MMAA: variants seen among roughly 807,000 people sequenced by gnomAD.
The protein encoded by MMAA is metabolism of cobalamin associated A.
Under a neutral mutation model 45.0 loss-of-function variants are expected in MMAA, and 41 were observed. The observed-to-expected ratio is 0.91, with a 90% CI of 0.71 to 1.18. The LOEUF (loss-of-function observed/expected upper bound fraction) is 1.18, where lower values mean the gene tolerates loss of function less well. Among genes scored for constraint, MMAA ranks in the 50% most tolerant of loss-of-function variants. MMAA has a pLI of 0.00. For missense variants in MMAA, 460 were observed against 495.7 expected (o/e 0.93, Z 0.68); for synonymous variants, 154 against 178.2 (o/e 0.86, Z 1.08).
rs1261922672 is a variant in MMAA at position 145,625,241 on chromosome 4, T to G, written c.-66+5834T>G. ...ACTTGGTTTTTCAGGAACTTCCTGT[T>G]GCTGACTCTTGAGGAGCAAGTTTTC... On this transcript the variant is annotated intron_variant, in intron 1 of 6. Coordinates refer to ENST00000649156, the MANE Select transcript of MMAA (RefSeq NM_172250.3). The G allele has an allele frequency of 6.7e-6, 7 of 1,046,776 alleles. No homozygotes were observed. The East Asian group carries it at 1.5e-4, about 23-fold the overall frequency. The allele number at this position is 1,046,776 out of a possible 1,614,324, so 64.8% of individuals were successfully genotyped here. A position where few individuals can be genotyped will look rare whatever the true frequency, so the allele number is the denominator to read the frequency against.
At chr4:145,652,141 G>A (rs1728110397) in intron 5 of MMAA, among the ~76,000 whole-genome samples, 1 of 152,078 alleles carries the variant, frequency 6.6e-6, no homozygotes, top group African/African-American at 2.4e-5. Context: ...ACACACATAA[G>A]AAGCCTGGGA....
Position 145,655,396 on chromosome 4 carries a change from G to A in MMAA, c.1219G>A (p.Ala407Thr). 1 of 1,613,290 alleles carries A rather than the reference G, an allele frequency of 6.2e-7. No homozygotes were observed. Among genetic ancestry groups the A allele is most frequent in the Non-Finnish European group, 8.5e-7 (1 of 1,179,806 alleles). Residue 407 changes from alanine (A) to threonine (T), a missense_variant, in exon 7 of 7, where the codon GCA (alanine) becomes ACA (threonine). Physicochemically the swap from Ala to Thr is moderately conservative, Grantham distance 58 (BLOSUM62 0). Coordinates refer to ENST00000649156, the MANE Select transcript of MMAA (RefSeq NM_172250.3). ...TGGGGCCCTGTCCCCAGGACTAGCA[G>A]CAGACTTCTTGTTAAAAGCTTTTAA... Reference protein sequence around the residue: ...LIGALSPGLAADFLLKAFKSR... With the variant: ...LIGALSPGLATDFLLKAFKSR...
chr4:145,653,723 A>T (rs1230524291), intron 5 of MMAA, among the ~76,000 whole-genome samples: 2 of 152,204 alleles, frequency 1.3e-5, no homozygotes, highest in Non-Finnish European at 2.9e-5. Flanking sequence ...CTGCCACTCA[A>T]TCATGTTGTG....
At position 145,641,331 on chromosome 4, in the gene MMAA, A is replaced by C. The variant is rs17020477; in HGVS notation, c.440-1032A>C. Among the ~76,000 whole-genome samples the C allele has an allele frequency of 3.6e-3, 544 of 152,322 alleles. 3 individuals carry two copies. The highest frequency in any genetic ancestry group is 6.7e-3 in the Non-Finnish European group (457 of 68,026). On this transcript the variant is annotated intron_variant, in intron 2 of 6. Transcript: ENST00000649156. ...TTTGTAGTGCTATTCCAGTTCTTCCATCTTGATCTTATGAGGCCAGATAAA... is the reference window on the plus strand; with the variant it reads ...TTTGTAGTGCTATTCCAGTTCTTCCCTCTTGATCTTATGAGGCCAGATAAA...
At chr4:145,643,807 G>A (rs1476816767) in intron 3 of MMAA, among the ~76,000 whole-genome samples, 1 of 151,826 alleles carries the variant, frequency 6.6e-6, no homozygotes, top group Non-Finnish European at 1.5e-5. Context: ...CAATATTCTA[G>A]AATACTTAAC....
intron 1 of MMAA, among the ~76,000 whole-genome samples, chr4:145,620,605 C>G: frequency 6.6e-6 from 1 of 152,302 alleles, no homozygotes; most frequent in African/African-American, 2.4e-5. Flanking sequence ...CAGATTTTCA[C>G]CTTAGTACAG....
chr4:145,624,639 AG>A, intron 1 of MMAA: 1 of 1,426,826 alleles, frequency 7.0e-7, no homozygotes, highest in Non-Finnish European at 9.7e-7. Context: ...AGAAGGACAG[AG>A]CCACATATTC....
chr4:145,624,268 T>C, intron 1 of MMAA: 1 of 798,312 alleles, frequency 1.3e-6, no homozygotes, highest in South Asian at 1.3e-5. Context: ...TGGGGGGAAG[T>C]TATATTCCTC....
In MMAA at chr4:145,650,286, G is replaced by C. The variant is rs977059343; in HGVS notation, c.734-776G>C. 2.0e-5 allele frequency: 3 copies of C among 152,218 alleles called. No individual in the cohort carries two copies. The South Asian group carries it at 6.2e-4, about 32-fold the overall frequency. The allele number at this position is 152,218 out of a possible 1,614,324, so 9.4% of individuals were successfully genotyped here. ...ACCCAGAGGAAGTGGAAAGGAATGAGAGATTCCTTTTCAGTCAAATAGTTC... is the reference window on the plus strand; with the variant it reads ...ACCCAGAGGAAGTGGAAAGGAATGACAGATTCCTTTTCAGTCAAATAGTTC... On this transcript the variant is annotated intron_variant, in intron 4 of 6. Coordinates refer to ENST00000649156, the MANE Select transcript of MMAA (RefSeq NM_172250.3).
At chr4:145,633,922 C>T (rs142347978) in intron 1 of MMAA, among the ~76,000 whole-genome samples, 11 of 152,344 alleles carry the variant, frequency 7.2e-5, no homozygotes, top group Admixed American at 6.5e-4. Context: ...CAAACAGAAT[C>T]TCTGTCTGTT....
At chr4:145,629,424 A>G (rs6828764) in intron 1 of MMAA, among the ~76,000 whole-genome samples, 8,800 of 152,164 alleles carry the variant, frequency 0.058, 807 homozygotes, top group African/African-American at 0.2. Context: ...TTTTTAATGT[A>G]TTGTTGAATT....
At position 145,624,345 on chromosome 4, in the gene MMAA, G is replaced by T. The variant is rs984737059; in HGVS notation, c.-66+4938G>T. The stretch of plus-strand genomic sequence containing the variant: ...AAGCAGTCACTTGTCTTCTCCAGAG[G>T]ATAGCTGGCTGAGGTTGCCCATCTT... On this transcript the variant is annotated intron_variant, in intron 1 of 6. Transcript: ENST00000649156. The T allele has an allele frequency of 6.9e-5, 54 of 786,162 alleles. No homozygotes were observed. In the African/African-American group the frequency reaches 8.6e-4, roughly 13 times the overall value. 48.7% of individuals were successfully genotyped at this position (786,162 alleles called of 1,614,324 possible). A position where few individuals can be genotyped will look rare whatever the true frequency, so the allele number is the denominator to read the frequency against.
intron 4 of MMAA, chr4:145,650,828 T>G: frequency 1.8e-6 from 1 of 549,980 alleles, no homozygotes; most frequent in Non-Finnish European, 3.3e-6. Flanking sequence ...GCCTTTAGGT[T>G]CTCCATTCAA....
At chr4:145,651,740 C>T (rs1218679015) in intron 5 of MMAA, among the ~76,000 whole-genome samples, 1 of 152,202 alleles carries the variant, frequency 6.6e-6, no homozygotes, top group African/African-American at 2.4e-5. Context: ...TGGTCCCCAA[C>T]CTTTTTGGCA....
intron 1 of MMAA, 88 bp from the exon 2 acceptor site, chr4:145,638,987 T>C: frequency 1.4e-6 from 1 of 692,828 alleles, no homozygotes; most frequent in Non-Finnish European, 2.5e-6. Flanking sequence ...TGGTTTAGAA[T>C]ATGGGGGAAA....
intron 1 of MMAA, chr4:145,624,667 T>C: frequency 1.4e-6 from 2 of 1,468,840 alleles, no homozygotes; most frequent in Non-Finnish European, 1.9e-6. Context: ...TCTTTATGTT[T>C]CTCAGGCTCA....
At chr4:145,627,411 CTTTATAG>C (rs1734226654) in intron 1 of MMAA, among the ~76,000 whole-genome samples, 1 of 151,944 alleles carries the variant, frequency 6.6e-6, no homozygotes, top group South Asian at 2.1e-4. Context: ...CCAAACTTTT[CTTTATAG>C]TTTAGTAGAT....
At chr4:145,640,141 C>T (rs1460476901) in intron 2 of MMAA, among the ~76,000 whole-genome samples, 1 of 151,962 alleles carries the variant, frequency 6.6e-6, no homozygotes, top group Non-Finnish European at 1.5e-5. Flanking sequence ...CAGTCTTGCT[C>T]TGTCGCCCAG....
At chr4:145,624,340 C>T (rs1196559409) in intron 1 of MMAA, 8 of 787,110 alleles carry the variant, frequency 1.0e-5, no homozygotes, top group African/African-American at 1.7e-5. Context: ...TTGTCTTCTC[C>T]AGAGGATAGC....
Sources: gnomAD v4.1 joint callset for allele counts (sites outside exome capture counted in the v4.1 genomes callset) on GRCh38, gnomAD v4.1.1 for gene constraint, MANE v1.5 for transcripts, NCBI Gene and HGNC (gene_info 2026-07-23, HGNC 2026-07-21) for gene names.